Variants in PHF21B observed in about 807,000 individuals in gnomAD.
The protein encoded by PHF21B is PHD finger protein 4.
Under a neutral mutation model 62.2 loss-of-function variants are expected in PHF21B, and 22 were observed. The ratio of observed to expected loss-of-function variants is 0.35; its 90% CI spans 0.25 to 0.51. The LOEUF is 0.51. PHF21B is among the 20% of genes least tolerant of loss of function. PHF21B has a pLI of 0.97. For missense variants in PHF21B, 701 were observed against 707.9 expected, an observed-to-expected ratio of 0.99 and a Z score of 0.11; for synonymous variants, 341 against 314.7, an observed-to-expected ratio of 1.08 and a Z score of -0.88.
intron 2 of PHF21B, among the ~76,000 whole-genome samples, chr22:44,920,764 T>C (rs966725441): frequency 2.0e-5 from 3 of 152,246 alleles, no homozygotes; most frequent in Non-Finnish European, 4.4e-5. Flanking sequence ...TTTATACAGC[T>C]AAATATAGAA....
intron 5 of PHF21B, among the ~76,000 whole-genome samples, chr22:44,900,441 C>T (rs992195761): frequency 5.3e-5 from 8 of 152,148 alleles, no homozygotes; most frequent in Non-Finnish European, 8.8e-5. Context: ...GCTGGGATTA[C>T]AGGCACCCGC....
chr22:44,888,492 G>A, intron 9 of PHF21B, among the ~76,000 whole-genome samples: 1 of 152,198 alleles, frequency 6.6e-6, no homozygotes, highest in East Asian at 1.9e-4. Flanking sequence ...CTGAGGGTCT[G>A]TGTTGCACCA....
intron 2 of PHF21B, chr22:45,003,226 T>C (rs1318106151): frequency 1.3e-5 from 2 of 152,206 alleles, no homozygotes; most frequent in African/African-American, 4.8e-5. Flanking sequence ...TAACAAATCA[T>C]TGCCAATCTT....
intron 2 of PHF21B, among the ~76,000 whole-genome samples, chr22:44,923,480 A>G (rs2071574224): frequency 6.6e-6 from 1 of 152,202 alleles, no homozygotes; most frequent in Admixed American, 6.5e-5. Context: ...CAACACCAAA[A>G]ACATAATCGA....
At chr22:44,993,162 T>A (rs911319208) in intron 2 of PHF21B, among the ~76,000 whole-genome samples, 1 of 152,192 alleles carries the variant, frequency 6.6e-6, no homozygotes, top group African/African-American at 2.4e-5. Context: ...CTCACTGGGA[T>A]TCCTGGCAGG....
chr22:44,900,096 T>C (rs997155007), intron 5 of PHF21B, among the ~76,000 whole-genome samples: 4 of 152,168 alleles, frequency 2.6e-5, no homozygotes, highest in Non-Finnish European at 5.9e-5. Context: ...TCCCACCTTC[T>C]TTCCCTCCTT....
chr22:44,973,881 A>G (rs1255082098), intron 2 of PHF21B, among the ~76,000 whole-genome samples: 2 of 152,324 alleles, frequency 1.3e-5, no homozygotes, highest in East Asian at 3.9e-4. Context: ...GGTGGTGCCA[A>G]GTCAATTCTT....
chr22:44,977,694 T>G (rs1489378487), intron 2 of PHF21B, among the ~76,000 whole-genome samples: 1 of 151,302 alleles, frequency 6.6e-6, no homozygotes, highest in Admixed American at 6.6e-5. Flanking sequence ...TCTTCTCACC[T>G]CAGCCTCTAG....
chr22:44,997,188 C>A (rs1480090021), intron 2 of PHF21B, among the ~76,000 whole-genome samples: 1 of 152,180 alleles, frequency 6.6e-6, no homozygotes, highest in African/African-American at 2.4e-5. Flanking sequence ...CCCTCGTCCC[C>A]TCCAGTCCCT....
intron 10 of PHF21B, among the ~76,000 whole-genome samples, chr22:44,887,663 G>A (rs943451395): frequency 1.3e-4 from 19 of 150,784 alleles, no homozygotes; most frequent in African/African-American, 4.4e-4. Context: ...GCTGAGGCAG[G>A]AGGATCACTT....
At chr22:45,007,329 C>G (rs1446662596) in intron 2 of PHF21B, among the ~76,000 whole-genome samples, 1 of 151,822 alleles carries the variant, frequency 6.6e-6, no homozygotes. Flanking sequence ...CCAGGGTCAC[C>G]GGCAGCCGCC....
chr22:44,882,209 G>A lies in PHF21B; in HGVS notation c.*877C>T, dbSNP rs2070752007. The A allele has an allele frequency of 6.5e-6, 1 of 152,724 alleles. No individual in the cohort carries two copies. Among genetic ancestry groups the A allele is most frequent in the Non-Finnish European group, 1.5e-5 (1 of 68,088 alleles). The allele number at this position is 152,724 out of a possible 1,614,324, so 9.5% of individuals were successfully genotyped here. ...GACAAGAAAGGGCTTCAGTCGTTAA[G>A]TTGAATGATTCAACCCCAAGGAGAA... On this transcript the variant is annotated 3_prime_UTR_variant, in exon 13 of 13. Transcript: ENST00000313237.
At chr22:44,889,602 T>G (rs528175861) in intron 9 of PHF21B, among the ~76,000 whole-genome samples, 158 bp downstream of exon 9, 5 of 152,318 alleles carry the variant, frequency 3.3e-5, no homozygotes, top group Admixed American at 3.3e-4. Context: ...GAAAGCTGGC[T>G]GAGTGTTGCA....
chr22:45,001,972 G>C (rs995711082), intron 2 of PHF21B: 1 of 152,230 alleles, frequency 6.6e-6, no homozygotes, highest in African/African-American at 2.4e-5. Context: ...CGATGAGCAC[G>C]TGTTGCTTTT....
chr22:44,889,600 G>C (rs997195066), intron 9 of PHF21B, among the ~76,000 whole-genome samples, 160 bp downstream of exon 9: 2 of 152,232 alleles, frequency 1.3e-5, no homozygotes, highest in Non-Finnish European at 2.9e-5. Flanking sequence ...TGGAAAGCTG[G>C]CTGAGTGTTG....
chr22:44,950,575 GTTTT>G (rs975377106), intron 2 of PHF21B, among the ~76,000 whole-genome samples: 1 of 147,034 alleles, frequency 6.8e-6, no homozygotes, highest in Admixed American at 6.8e-5. Context: ...TCGTGTTCGT[GTTTT>G]TTTTTTTCTT....
chr22:44,964,522 A>G (rs2072488257), intron 2 of PHF21B, among the ~76,000 whole-genome samples: 1 of 152,222 alleles, frequency 6.6e-6, no homozygotes, highest in African/African-American at 2.4e-5. Flanking sequence ...CGGCAGGAGA[A>G]GATTTTACTC....
chr22:44,954,726 G>A (rs538769977), intron 2 of PHF21B, among the ~76,000 whole-genome samples: 87 of 152,282 alleles, frequency 5.7e-4, no homozygotes, highest in South Asian at 1.5e-3. Flanking sequence ...TCTAGGCACC[G>A]AGCGTATTGT....
intron 2 of PHF21B, among the ~76,000 whole-genome samples, chr22:44,934,830 T>G (rs562819866): frequency 6.6e-6 from 1 of 152,278 alleles, no homozygotes; most frequent in East Asian, 1.9e-4. Flanking sequence ...CCCTGTCTGG[T>G]CCTCACTCTT....
Sources: allele counts gnomAD v4.1 joint callset (sites outside exome capture counted in the v4.1 genomes callset), GRCh38; gene constraint gnomAD v4.1.1; transcripts MANE v1.5; gene names NCBI Gene and HGNC (gene_info 2026-07-23, HGNC 2026-07-21).